LIPA: variants seen among roughly 807,000 people sequenced by gnomAD.
LIPA encodes the protein lysosomal acid lipase/cholesteryl ester hydrolase.
LIPA carries 26 observed loss-of-function variants against 40.6 expected under a neutral mutation model. That is an observed-to-expected ratio of 0.64 (90% CI 0.47 to 0.89). LIPA has a LOEUF of 0.89. Among genes scored for constraint, LIPA ranks in the 40% least tolerant of loss-of-function variants. The pLI is 0.00. For synonymous variants in LIPA, 188 were observed against 168.4 expected, an observed-to-expected ratio of 1.12 and a Z score of -0.90; for missense variants, 455 against 479.6, an observed-to-expected ratio of 0.95 and a Z score of 0.48.
intron 8 of LIPA, among the ~76,000 whole-genome samples, chr10:89,221,742 A>T (rs766870100): frequency 5.9e-5 from 9 of 152,220 alleles, no homozygotes; most frequent in Admixed American, 5.9e-4. Flanking sequence ...AAGCTGTAAA[A>T]CAGTAAGCAG....
chr10:89,392,546 G>T, intron 2 of LIPA: 3 of 377,108 alleles, frequency 8.0e-6, no homozygotes, highest in South Asian at 6.5e-5. Flanking sequence ...TTTCCAACTT[G>T]CAAGGACACA....
intron 2 of LIPA, chr10:89,392,671 T>C (rs1589631939): frequency 6.2e-7 from 1 of 1,613,274 alleles, no homozygotes; most frequent in East Asian, 2.2e-5. Flanking sequence ...GGAGCCTGGC[T>C]AAGCAAAACC....
chr10:89,327,118 AT>A (rs1235550362), intron 1 of LIPA, among the ~76,000 whole-genome samples: 2 of 152,260 alleles, frequency 1.3e-5, no homozygotes, highest in Non-Finnish European at 2.9e-5. Context: ...GTTTGGAGAC[AT>A]CCAATAGAAA....
At chr10:89,347,250 T>C (rs1035688447), upstream of LIPA, among the ~76,000 whole-genome samples, 8 of 152,208 alleles carry the variant, frequency 5.3e-5, no homozygotes, top group African/African-American at 1.9e-4. Context: ...CAGCATCAAA[T>C]TGTGACAACA....
At chr10:89,324,896 A>G (rs1422729431) in intron 1 of LIPA, among the ~76,000 whole-genome samples, 2 of 152,178 alleles carry the variant, frequency 1.3e-5, no homozygotes, top group Admixed American at 6.5e-5. Context: ...CATGGTGCAT[A>G]TGTGCCACAT....
intron 1 of LIPA, among the ~76,000 whole-genome samples, chr10:89,295,395 T>C (rs1843407712): frequency 6.6e-6 from 1 of 152,226 alleles, no homozygotes; most frequent in African/African-American, 2.4e-5. Flanking sequence ...GGAAAAAGCA[T>C]AGAGTTTCAT....
chr10:89,363,774 CA>C (rs760221407), intron 2 of LIPA, among the ~76,000 whole-genome samples: 15,525 of 92,310 alleles, frequency 0.17, 637 homozygotes, highest in Non-Finnish European at 0.22. Context: ...CAGACTCCAT[CA>C]AAAAAAAAAA....
intron 1 of LIPA, among the ~76,000 whole-genome samples, chr10:89,264,997 G>A (rs2133488776): frequency 6.6e-6 from 1 of 152,328 alleles, no homozygotes; most frequent in Admixed American, 6.5e-5. Context: ...TCCCTCCCAT[G>A]CTCATTGGCC....
At chr10:89,221,781 C>T (rs1363181633) in intron 8 of LIPA, among the ~76,000 whole-genome samples, 6 of 152,166 alleles carry the variant, frequency 3.9e-5, no homozygotes, top group Non-Finnish European at 7.3e-5. Flanking sequence ...TCTACATCTA[C>T]TATTTCTATC....
At chr10:89,408,154 C>T (rs1367886586) in intron 2 of LIPA, among the ~76,000 whole-genome samples, 6 of 152,118 alleles carry the variant, frequency 3.9e-5, no homozygotes, top group African/African-American at 1.4e-4. Flanking sequence ...GCATCCTAAG[C>T]CATTGGGACC....
chr10:89,326,245 T>A (rs1440963639), intron 1 of LIPA, among the ~76,000 whole-genome samples: 2 of 152,082 alleles, frequency 1.3e-5, no homozygotes, highest in Non-Finnish European at 2.9e-5. Flanking sequence ...CACAACGGAG[T>A]GCTCTTTAGC....
At chr10:89,291,667 G>A (rs1394189206) in intron 1 of LIPA, among the ~76,000 whole-genome samples, 1 of 152,138 alleles carries the variant, frequency 6.6e-6, no homozygotes, top group African/African-American at 2.4e-5. Flanking sequence ...TTCCTTGACT[G>A]TGGGTTGGCT....
intron 1 of LIPA, chr10:89,283,684 G>T (rs963044700): frequency 2.0e-5 from 3 of 152,198 alleles, no homozygotes; most frequent in Admixed American, 2.0e-4. Flanking sequence ...CCCTCCAGCA[G>T]GAAACCAGTG....
At chr10:89,355,652 G>A (rs905552171) in intron 2 of LIPA, among the ~76,000 whole-genome samples, 1 of 152,182 alleles carries the variant, frequency 6.6e-6, no homozygotes, top group Non-Finnish European at 1.5e-5. Context: ...AGGAGGTCAG[G>A]ACAAGATACA....
chr10:89,264,160 G>T (rs143830852), intron 1 of LIPA, among the ~76,000 whole-genome samples: 9 of 152,296 alleles, frequency 5.9e-5, no homozygotes, highest in South Asian at 2.1e-4. Flanking sequence ...TGGCAAGCAG[G>T]GGGGGTGGTA....
At chr10:89,223,136 G>A (rs562609833) in intron 7 of LIPA, among the ~76,000 whole-genome samples, 62 of 152,170 alleles carry the variant, frequency 4.1e-4, no homozygotes, top group Admixed American at 2.2e-3. Flanking sequence ...GTAAATGGCC[G>A]TTCCAAATTT....
intron 1 of LIPA, among the ~76,000 whole-genome samples, chr10:89,315,929 T>C (rs1013499556): frequency 6.6e-6 from 1 of 152,190 alleles, no homozygotes; most frequent in Admixed American, 6.5e-5. Context: ...TTTTTTTTTA[T>C]TATACTTTAA....
chr10:89,364,071 C>T (rs1443477153), intron 2 of LIPA, among the ~76,000 whole-genome samples: 1 of 152,150 alleles, frequency 6.6e-6, no homozygotes, highest in African/African-American at 2.4e-5. Context: ...ATAAATCTTC[C>T]CTGATCGCTG....
At chr10:89,391,737 C>T (rs936355096) in intron 2 of LIPA, among the ~76,000 whole-genome samples, 5 of 152,050 alleles carry the variant, frequency 3.3e-5, no homozygotes, top group African/African-American at 1.2e-4. Context: ...ACCATGTTGG[C>T]CACGATGGTC....
Sources: allele counts gnomAD v4.1 joint callset (sites outside exome capture counted in the v4.1 genomes callset), GRCh38; gene constraint gnomAD v4.1.1; transcripts MANE v1.5; gene names NCBI Gene and HGNC (gene_info 2026-07-23, HGNC 2026-07-21).